Variants in HERC2 observed in about 807,000 individuals in gnomAD.
HERC2 encodes the protein E3 ubiquitin-protein ligase HERC2.
Under a neutral mutation model 537.7 loss-of-function variants are expected in HERC2, and 102 were observed. That is an observed-to-expected ratio of 0.19 (90% CI 0.16 to 0.22). HERC2 has a LOEUF of 0.22. Among genes scored for constraint, HERC2 ranks in the 10% least tolerant of loss-of-function variants. HERC2 has a pLI of 1.00. For synonymous variants in HERC2, 2,224 were observed against 2,466.2 expected (o/e 0.90, Z 2.91); for missense variants, 4,236 against 6,198.2 (o/e 0.68, Z 10.63).
chr15:28,128,997 C>A (rs1470868246), intron 83 of HERC2, among the ~76,000 whole-genome samples: 2 of 152,254 alleles, frequency 1.3e-5, no homozygotes, highest in Admixed American at 6.5e-5. Flanking sequence ...ACTGACTCTT[C>A]TGCCTCCTTT....
chr15:28,225,221 T>G (rs1489653132), intron 35 of HERC2, among the ~76,000 whole-genome samples: 1 of 150,314 alleles, frequency 6.7e-6, no homozygotes, highest in Non-Finnish European at 1.5e-5. Flanking sequence ...CCACTGTACT[T>G]CGGCCTGAAG....
chr15:28,286,623 C>T (rs2076164815), intron 4 of HERC2, among the ~76,000 whole-genome samples: 1 of 152,110 alleles, frequency 6.6e-6, no homozygotes, highest in Non-Finnish European at 1.5e-5. Context: ...TCTTGATAAA[C>T]AGCATTTACA....
chr15:28,177,380 T>G lies in HERC2; in HGVS notation c.9254+39A>C, dbSNP rs1442811468. Reference sequence around the variant, plus strand: ...TCTCAAGAGTATCAGTCAGAAACAGTTTCTTATTAGCAAATGAGACTAAAA... The same window carrying G: ...TCTCAAGAGTATCAGTCAGAAACAGGTTCTTATTAGCAAATGAGACTAAAA... On this transcript the variant is annotated intron_variant, in intron 60 of 92. Coordinates refer to ENST00000261609, the MANE Select transcript of HERC2 (RefSeq NM_004667.6). This position sits in a 1 kb window ranked among gnomAD's most constrained non-coding sequence, Gnocchi z 5.0. 2 of 1,550,632 alleles carry G rather than the reference T, an allele frequency of 1.3e-6. No homozygotes were observed. Among genetic ancestry groups the G allele is most frequent in the Non-Finnish European group, 1.8e-6 (2 of 1,122,478 alleles).
At chr15:28,276,205 A>C (rs1248269624) in intron 5 of HERC2, among the ~76,000 whole-genome samples, 1 of 150,904 alleles carries the variant, frequency 6.6e-6, no homozygotes, top group Admixed American at 6.6e-5. Flanking sequence ...AAAAAAAAAA[A>C]AAAAAAAAAA....
At position 28,275,408 on chromosome 15, in the gene HERC2, G is replaced by A. The variant is rs10083641; in HGVS notation, c.543-403C>T. ...AGAGCCGCAGAGGGTAGCCTGGCTCGCCCCAGCTCCGGCGTCCTCCACTCG... is the reference window on the plus strand; with the variant it reads ...AGAGCCGCAGAGGGTAGCCTGGCTCACCCCAGCTCCGGCGTCCTCCACTCG... On this transcript the variant is annotated intron_variant, in intron 5 of 92. Transcript: ENST00000261609. 5.2e-3 allele frequency among the ~76,000 whole-genome samples: 797 copies of A among 152,328 alleles called. 1 individual carries two copies. The highest frequency in any genetic ancestry group is 0.018 in the African/African-American group (755 of 41,572).
At chr15:28,118,926 C>G (rs549460628) in intron 86 of HERC2, among the ~76,000 whole-genome samples, 3 of 152,220 alleles carry the variant, frequency 2.0e-5, no homozygotes, top group African/African-American at 7.2e-5. Context: ...AGCCCCCAGA[C>G]GTCAATCCAC....
intron 44 of HERC2, among the ~76,000 whole-genome samples, chr15:28,207,789 G>A (rs1211730162): frequency 6.6e-6 from 1 of 151,874 alleles, no homozygotes; most frequent in Admixed American, 6.6e-5. Context: ...CTCTTAAAGG[G>A]CCAGAGAGTA....
chr15:28,280,557 GAC>G (rs1256717967), intron 4 of HERC2, among the ~76,000 whole-genome samples: 1 of 152,100 alleles, frequency 6.6e-6, no homozygotes, highest in African/African-American at 2.4e-5. Flanking sequence ...TGCGGCACAT[GAC>G]AGAGACTCTT....
chr15:28,124,886 A>G, intron 84 of HERC2, 120 bp downstream of exon 84: 1 of 1,076,252 alleles, frequency 9.3e-7, no homozygotes, highest in Non-Finnish European at 1.3e-6. Flanking sequence ...TGTGGTTAAC[A>G]TTTACTGAGC....
Position 28,163,289 on chromosome 15 carries a change from A to G in HERC2, c.10555-4T>C. 1 of 1,610,564 alleles carries G rather than the reference A, an allele frequency of 6.2e-7. No individual in the cohort carries two copies. The highest frequency in any genetic ancestry group is 8.5e-7 in the Non-Finnish European group (1 of 1,179,114). On this transcript the variant is annotated splice_polypyrimidine_tract_variant and splice_region_variant and intron_variant, in intron 68 of 92. Transcript: ENST00000261609. ...CTTTATTTTGGCTTTCAACATCCTAAGTCAAATGACATCCAACAATTAACA... is the reference window on the plus strand; with the variant it reads ...CTTTATTTTGGCTTTCAACATCCTAGGTCAAATGACATCCAACAATTAACA...
At chr15:28,307,838 C>T (rs1037578770) in intron 2 of HERC2, among the ~76,000 whole-genome samples, 10 of 152,152 alleles carry the variant, frequency 6.6e-5, no homozygotes, top group Admixed American at 6.6e-4. Flanking sequence ...GTTCTTGGTA[C>T]CTTTGTCGAA....
At chr15:28,315,402 C>T (rs1248459814) in intron 2 of HERC2, among the ~76,000 whole-genome samples, 1 of 152,242 alleles carries the variant, frequency 6.6e-6, no homozygotes, top group Non-Finnish European at 1.5e-5. Flanking sequence ...ATGAGTCAAC[C>T]AAGAGGGACA....
chr15:28,228,519 G>C (rs1901482839), intron 34 of HERC2, 110 bp from the exon 35 acceptor site: 2 of 993,164 alleles, frequency 2.0e-6, no homozygotes, highest in African/African-American at 3.2e-5. Flanking sequence ...GAAACCCACT[G>C]ACATTTCTTC....
intron 45 of HERC2, among the ~76,000 whole-genome samples, chr15:28,204,777 C>A (rs575219746): frequency 2.0e-5 from 3 of 152,224 alleles, no homozygotes; most frequent in Non-Finnish European, 4.4e-5. Context: ...CCCAACAAAG[C>A]AAAGCATCTT....
chr15:28,119,119 A>G (rs1888596473), intron 86 of HERC2, among the ~76,000 whole-genome samples: 1 of 152,034 alleles, frequency 6.6e-6, no homozygotes, highest in Non-Finnish European at 1.5e-5. Context: ...AATACAAAAA[A>G]GGCTGGGTGC....
rs748994774 is a variant in HERC2, at chr15:28,167,668, A to G, written c.10554+19T>C. Reference sequence around the variant, plus strand: ...AAGATTATTTCACAATACAAAGTTAAAGAAGAACGCCTCTTCACCTCTTTG... The same window carrying G: ...AAGATTATTTCACAATACAAAGTTAGAGAAGAACGCCTCTTCACCTCTTTG... On this transcript the variant is annotated intron_variant, in intron 68 of 92. Coordinates refer to ENST00000261609, the MANE Select transcript of HERC2 (RefSeq NM_004667.6). 1 of 1,605,770 alleles carries G rather than the reference A, an allele frequency of 6.2e-7. No individual in the cohort carries two copies. The highest frequency in any genetic ancestry group is 2.2e-5 in the East Asian group (1 of 44,876).
chr15:28,262,664 G>A (rs1056890233), intron 15 of HERC2, among the ~76,000 whole-genome samples: 1 of 117,670 alleles, frequency 8.5e-6, no homozygotes, highest in African/African-American at 5.6e-5. Flanking sequence ...GCCTGCCACA[G>A]AAAGTCAACT....
At chr15:28,140,330 A>G (rs976211316) in intron 78 of HERC2, among the ~76,000 whole-genome samples, 2 of 152,058 alleles carry the variant, frequency 1.3e-5, no homozygotes, top group African/African-American at 4.8e-5. Context: ...ATGAGCTCCC[A>G]TTCTCCCACA....
At chr15:28,260,279 T>A (rs1021036374) in intron 16 of HERC2, among the ~76,000 whole-genome samples, 2 of 152,228 alleles carry the variant, frequency 1.3e-5, no homozygotes, top group Non-Finnish European at 2.9e-5. Context: ...CCATTTCATT[T>A]GAGAAGATTA....
Sources: allele counts gnomAD v4.1 joint callset (sites outside exome capture counted in the v4.1 genomes callset), GRCh38; gene constraint gnomAD v4.1.1; non-coding constraint Gnocchi (gnomAD v3.1); transcripts MANE v1.5; gene names NCBI Gene and HGNC (gene_info 2026-07-23, HGNC 2026-07-21).